The following SEMA6D variants were observed in gnomAD, a reference collection of about 807,000 sequenced individuals.
The protein encoded by SEMA6D is semaphorin-6D.
Under a neutral mutation model 106.6 loss-of-function variants are expected in SEMA6D, and 35 were observed. That is an observed-to-expected ratio of 0.33 (90% CI 0.25 to 0.44). SEMA6D has a LOEUF of 0.44. SEMA6D is among the 20% of genes least tolerant of loss of function. The probability of loss-of-function intolerance (pLI) is 1.00; values close to 1 mark genes in which losing one functional copy is unlikely to be tolerated. For missense variants in SEMA6D, 1,185 were observed against 1,345.9 expected, an observed-to-expected ratio of 0.88 and a Z score of 1.87; for synonymous variants, 499 against 487.7, an observed-to-expected ratio of 1.02 and a Z score of -0.31.
intron 1 of SEMA6D, among the ~76,000 whole-genome samples, chr15:47,325,905 C>T (rs1236907499): frequency 2.6e-5 from 4 of 152,042 alleles, no homozygotes; most frequent in Non-Finnish European, 4.4e-5. Context: ...AGCGGTTGCC[C>T]AGGTACCAGG....
chr15:47,256,670 C>A (rs978049460), intron 1 of SEMA6D, among the ~76,000 whole-genome samples: 2 of 152,012 alleles, frequency 1.3e-5, no homozygotes, highest in African/African-American at 2.4e-5. Flanking sequence ...ACCAGCCTGA[C>A]CAACATGGTG....
chr15:47,595,893 C>T (rs958717424), intron 3 of SEMA6D, among the ~76,000 whole-genome samples: 19 of 151,840 alleles, frequency 1.3e-4, no homozygotes, highest in African/African-American at 4.6e-4. Context: ...ATGAAGATGC[C>T]CACTTTAACC....
chr15:47,597,957 A>T lies in SEMA6D; in HGVS notation c.-86-2908A>T, dbSNP rs186224952. 5.3e-3 allele frequency among the ~76,000 whole-genome samples: 804 copies of T among 151,600 alleles called. 15 individuals are homozygous for T. The South Asian group carries it at 0.055, about 10-fold the overall frequency. Reference sequence around the variant, plus strand: ...AATAAAATTAAATTTAAAAAACTAAATTTAAAAAAGATCACTGTGTTCAGT... The same window carrying T: ...AATAAAATTAAATTTAAAAAACTAATTTTAAAAAAGATCACTGTGTTCAGT... On this transcript the variant is annotated intron_variant, in intron 3 of 19. Transcript: ENST00000558014.
At chr15:47,301,798 A>C (rs533258335) in intron 1 of SEMA6D, among the ~76,000 whole-genome samples, 1 of 152,352 alleles carries the variant, frequency 6.6e-6, no homozygotes, top group East Asian at 1.9e-4. Flanking sequence ...GTGCCACAGC[A>C]TACTGATTTG....
At chr15:47,670,869 A>C (rs1782084737) in intron 4 of SEMA6D, among the ~76,000 whole-genome samples, 1 of 152,206 alleles carries the variant, frequency 6.6e-6, no homozygotes, top group African/African-American at 2.4e-5. Context: ...TTATGCAGTA[A>C]TGTTTTGTAG....
At chr15:47,645,770 C>G (rs1009229226) in intron 4 of SEMA6D, among the ~76,000 whole-genome samples, 3 of 152,132 alleles carry the variant, frequency 2.0e-5, no homozygotes, top group Non-Finnish European at 4.4e-5. Context: ...GACCAACCAG[C>G]TATACATTGG....
At chr15:47,527,601 G>A (rs1420619535) in intron 3 of SEMA6D, 2 of 152,124 alleles carry the variant, frequency 1.3e-5, no homozygotes, top group Admixed American at 1.3e-4. Context: ...AATTTTGTAT[G>A]CCAATCTTAT....
At chr15:47,731,172 G>A (rs2080097249) in intron 1 of SEMA6D, among the ~76,000 whole-genome samples, 1 of 151,950 alleles carries the variant, frequency 6.6e-6, no homozygotes, top group Admixed American at 6.6e-5. Context: ...TGCTAATATA[G>A]TTTTGAGACT....
intron 3 of SEMA6D, among the ~76,000 whole-genome samples, chr15:47,485,122 T>C (rs1370079116): frequency 6.6e-6 from 1 of 152,194 alleles, no homozygotes; most frequent in Non-Finnish European, 1.5e-5. Context: ...CTACAGGAGA[T>C]TCACCAATTT....
chr15:47,427,926 T>G (rs998006541), intron 2 of SEMA6D, among the ~76,000 whole-genome samples: 8 of 152,134 alleles, frequency 5.3e-5, no homozygotes, highest in African/African-American at 1.9e-4. Context: ...CCTGAGAAAT[T>G]GTATATTCTT....
intron 1 of SEMA6D, among the ~76,000 whole-genome samples, chr15:47,231,702 T>C (rs1389081801): frequency 6.6e-6 from 1 of 152,040 alleles, no homozygotes; most frequent in Non-Finnish European, 1.5e-5. Flanking sequence ...AGTTTATCCC[T>C]TCAGGAGATG....
chr15:47,721,005 T>A lies in SEMA6D; in HGVS notation c.-55+3313T>A, dbSNP rs116303823. 4.1e-3 allele frequency among the ~76,000 whole-genome samples: 618 copies of A among 152,334 alleles called. 2 individuals are homozygous for A. Among genetic ancestry groups the A allele is most frequent in the African/African-American group, 0.014 (601 of 41,578 alleles). On this transcript the variant is annotated intron_variant, in intron 1 of 18. Coordinates refer to ENST00000536845, the MANE Select transcript of SEMA6D (RefSeq NM_001358351.3). ...AGACTTTAAGCCTGCATATTCTAGATGCCTTTCTAGAGGAAGCAAGAAGCA... is the reference window on the plus strand; with the variant it reads ...AGACTTTAAGCCTGCATATTCTAGAAGCCTTTCTAGAGGAAGCAAGAAGCA...
At chr15:47,726,275 C>A (rs372709538) in intron 1 of SEMA6D, among the ~76,000 whole-genome samples, 1 of 152,272 alleles carries the variant, frequency 6.6e-6, no homozygotes, top group Non-Finnish European at 1.5e-5. Context: ...CCTCACTCTA[C>A]CTCTGGGAGT....
intron 2 of SEMA6D, among the ~76,000 whole-genome samples, chr15:47,416,137 G>A (rs776497715): frequency 2.6e-5 from 4 of 152,042 alleles, no homozygotes; most frequent in Non-Finnish European, 5.9e-5. Flanking sequence ...TCACCATTGT[G>A]GAGATACTTA....
intron 1 of SEMA6D, among the ~76,000 whole-genome samples, chr15:47,718,163 C>G (rs1171044370): frequency 6.6e-6 from 1 of 152,214 alleles, no homozygotes; most frequent in Non-Finnish European, 1.5e-5. Context: ...CACAGCGTCT[C>G]CAGGAGCCAG....
At chr15:47,218,147 G>A (rs1365866766) in intron 1 of SEMA6D, among the ~76,000 whole-genome samples, 1 of 152,056 alleles carries the variant, frequency 6.6e-6, no homozygotes, top group East Asian at 1.9e-4. Context: ...TTTTCATTGG[G>A]AAAATGAAGG....
At chr15:47,614,387 CTGTT>C (rs1240863429) in intron 4 of SEMA6D, among the ~76,000 whole-genome samples, 1 of 152,222 alleles carries the variant, frequency 6.6e-6, no homozygotes, top group Non-Finnish European at 1.5e-5. Context: ...AACATTGCTG[CTGTT>C]TGTTGTATCA....
intron 2 of SEMA6D, among the ~76,000 whole-genome samples, chr15:47,444,855 G>A (rs2041982503): frequency 6.6e-6 from 1 of 152,096 alleles, no homozygotes; most frequent in Admixed American, 6.5e-5. Flanking sequence ...ATAGCTTAAA[G>A]TTAACCAGCT....
At chr15:47,436,411 A>C (rs2041704258) in intron 2 of SEMA6D, among the ~76,000 whole-genome samples, 1 of 151,714 alleles carries the variant, frequency 6.6e-6, no homozygotes, top group Admixed American at 6.6e-5. Context: ...AAAAGAAAAA[A>C]GACTTTGGCT....
Sources: gnomAD v4.1 joint callset for allele counts (sites outside exome capture counted in the v4.1 genomes callset) on GRCh38, gnomAD v4.1.1 for gene constraint, MANE v1.5 for transcripts, NCBI Gene and HGNC (gene_info 2026-07-23, HGNC 2026-07-21) for gene names.